ASH1L: variants seen among roughly 807,000 people sequenced by gnomAD.
The protein encoded by ASH1L is ASH1 like histone lysine methyltransferase.
A neutral mutation model predicts 269.0 loss-of-function variants in ASH1L; 23 were observed. That is an observed-to-expected ratio of 0.09 (90% CI 0.06 to 0.12). The LOEUF (loss-of-function observed/expected upper bound fraction) is 0.12. Ranked by LOEUF, ASH1L falls within the 10% of genes least tolerant of loss-of-function variation. The pLI is 1.00. For missense variants in ASH1L, 2,912 were observed against 3,567.8 expected, an observed-to-expected ratio of 0.82 and a Z score of 4.68; for synonymous variants, 1,187 against 1,253.5, an observed-to-expected ratio of 0.95 and a Z score of 1.12.
intron 1 of ASH1L, among the ~76,000 whole-genome samples, chr1:155,539,245 C>A (rs1670261475): frequency 6.6e-6 from 1 of 151,326 alleles, no homozygotes; most frequent in Non-Finnish European, 1.5e-5. Context: ...TATTGTCAAC[C>A]TTCAACCTAA....
chr1:155,387,604 T>C (rs1485696068), intron 7 of ASH1L, among the ~76,000 whole-genome samples: 1 of 152,216 alleles, frequency 6.6e-6, no homozygotes, highest in African/African-American at 2.4e-5. Flanking sequence ...TGTGTAGGAT[T>C]GCCTTGGCTA....
chr1:155,440,472 A>G (rs1480180478), intron 4 of ASH1L: 1 of 588,472 alleles, frequency 1.7e-6, no homozygotes, highest in Non-Finnish European at 2.1e-6. Flanking sequence ...TCCTCAATAC[A>G]GAGTACTTGT....
intron 21 of ASH1L, among the ~76,000 whole-genome samples, chr1:155,345,099 G>C (rs1200007664): frequency 1.3e-5 from 2 of 151,674 alleles, no homozygotes; most frequent in Non-Finnish European, 1.5e-5. Flanking sequence ...TGGGACTACA[G>C]GCACGCAACA....
rs572176087 is a variant in ASH1L at position 155,533,728 on chromosome 1, A to G, written c.-99-12110T>C. On this transcript the variant is annotated intron_variant, in intron 1 of 27. Coordinates refer to ENST00000392403, the MANE Select transcript of ASH1L (RefSeq NM_018489.3). ...GCGAGACTCCGTCTCAAAAAAAAAAAAAAAAGAAAAGATCATCTTTAGTCT... is the reference window on the plus strand; with the variant it reads ...GCGAGACTCCGTCTCAAAAAAAAAAGAAAAAGAAAAGATCATCTTTAGTCT... 2.0e-5 allele frequency among the ~76,000 whole-genome samples: 3 copies of G among 152,094 alleles called. No homozygotes were observed. In the South Asian group the frequency reaches 6.2e-4, roughly 32 times the overall value.
intron 1 of ASH1L, among the ~76,000 whole-genome samples, chr1:155,544,669 T>C (rs1670668749): frequency 6.6e-6 from 1 of 152,110 alleles, no homozygotes; most frequent in Non-Finnish European, 1.5e-5. Flanking sequence ...AAGCAGTATA[T>C]ATCTGTAGAC....
chr1:155,398,417 T>C (rs1172024808), intron 6 of ASH1L, among the ~76,000 whole-genome samples: 1 of 152,222 alleles, frequency 6.6e-6, no homozygotes. Flanking sequence ...CTGTACTGAA[T>C]ATTGCAGGCA....
chr1:155,402,144 T>TCAAACAAA (rs34981891), intron 6 of ASH1L, among the ~76,000 whole-genome samples: 13 of 151,418 alleles, frequency 8.6e-5, no homozygotes, highest in Admixed American at 2.6e-4. Context: ...AGACTCCGTC[T>TCAAACAAA]CAAACAAACA....
chr1:155,559,696 T>A (rs116721669), intron 1 of ASH1L, among the ~76,000 whole-genome samples: 1,542 of 152,330 alleles, frequency 0.01, 28 homozygotes, highest in African/African-American at 0.035. Context: ...AATGTTTCCC[T>A]CTTCCTTGTC....
intron 2 of ASH1L, among the ~76,000 whole-genome samples, chr1:155,519,501 T>C (rs1020985112): frequency 6.6e-6 from 1 of 152,122 alleles, no homozygotes; most frequent in African/African-American, 2.4e-5. Flanking sequence ...TATTCAGCCA[T>C]GAAAAGGAAT....
At chr1:155,401,800 T>C (rs184381900) in intron 6 of ASH1L, among the ~76,000 whole-genome samples, 324 of 148,024 alleles carry the variant, frequency 2.2e-3, no homozygotes, top group Non-Finnish European at 3.7e-3. Context: ...AAAAAGAGCA[T>C]ACTGGCTTCC....
intron 2 of ASH1L, among the ~76,000 whole-genome samples, chr1:155,498,603 G>C (rs1667307333): frequency 6.6e-6 from 1 of 151,966 alleles, no homozygotes; most frequent in African/African-American, 2.4e-5. Flanking sequence ...CACCACGCCT[G>C]GCTAATTTTG....
intron 6 of ASH1L, among the ~76,000 whole-genome samples, chr1:155,398,053 T>C (rs1366395473): frequency 6.6e-6 from 1 of 152,146 alleles, no homozygotes; most frequent in African/African-American, 2.4e-5. Flanking sequence ...AAAACTGTCT[T>C]GGATTTAAAA....
Position 155,479,316 on chromosome 1 carries a change from G to C in ASH1L, c.3554C>G (p.Pro1185Arg). 6.2e-7 allele frequency: 1 copy of C among 1,614,112 alleles called. No individual in the cohort carries two copies. Among genetic ancestry groups the C allele is most frequent in the Non-Finnish European group, 8.5e-7 (1 of 1,180,018 alleles). Residue 1185 changes from proline (P) to arginine (R), a missense_variant, in exon 3 of 28, where the codon CCT becomes CGT. Transcript: ENST00000392403. Reference protein sequence around the residue: ...SELTSLKEATPSPISESHSDE... With the variant: ...SELTSLKEATRSPISESHSDE... ...ACTATGAGACTCACTGATTGGGGAAGGAGTAGCTTCTTTTAGAGATGTGAG... is the reference window on the plus strand; with the variant it reads ...ACTATGAGACTCACTGATTGGGGAACGAGTAGCTTCTTTTAGAGATGTGAG...
intron 6 of ASH1L, among the ~76,000 whole-genome samples, chr1:155,405,779 A>G (rs113117059): frequency 0.05 from 7,625 of 151,036 alleles, 654 homozygotes; most frequent in African/African-American, 0.18. Flanking sequence ...GCAGTGAGCC[A>G]AGATCAGGCC....
At chr1:155,466,437 C>A (rs1323353267) in intron 3 of ASH1L, among the ~76,000 whole-genome samples, 1 of 152,172 alleles carries the variant, frequency 6.6e-6, no homozygotes, top group African/African-American at 2.4e-5. Flanking sequence ...CAAATGACAT[C>A]ATTCACTGAA....
At chr1:155,373,793 G>C (rs1571032440) in intron 10 of ASH1L, among the ~76,000 whole-genome samples, 1 of 152,180 alleles carries the variant, frequency 6.6e-6, no homozygotes, top group Non-Finnish European at 1.5e-5. Flanking sequence ...TCAGCCTCCA[G>C]AATAGCTGGG....
At chr1:155,451,233 A>T (rs1663442483) in intron 4 of ASH1L, among the ~76,000 whole-genome samples, 1 of 151,780 alleles carries the variant, frequency 6.6e-6, no homozygotes, top group Non-Finnish European at 1.5e-5. Flanking sequence ...AATAAATAAA[A>T]AATAAACCCT....
At chr1:155,434,091 C>T (rs545374279) in intron 5 of ASH1L, 169 of 1,592,260 alleles carry the variant, frequency 1.1e-4, no homozygotes, top group Non-Finnish European at 1.3e-4. Flanking sequence ...GCTGGGTCTC[C>T]TTTCTCAGGG....
intron 2 of ASH1L, among the ~76,000 whole-genome samples, chr1:155,489,973 C>CTT (rs563706417): frequency 4.2e-5 from 6 of 144,376 alleles, no homozygotes; most frequent in African/African-American, 1.5e-4. Context: ...ACATGTAAGA[C>CTT]TTTTTTTTTT....
Sources: gnomAD v4.1 joint callset for allele counts (sites outside exome capture counted in the v4.1 genomes callset) on GRCh38, gnomAD v4.1.1 for gene constraint, MANE v1.5 for transcripts, NCBI Gene and HGNC (gene_info 2026-07-23, HGNC 2026-07-21) for gene names.